The following SPEF2 variants were observed in gnomAD, a reference collection of about 807,000 sequenced individuals.
SPEF2 encodes the protein sperm flagellar and cilia associated 2, also known as sperm flagella and cilia-associated protein 2.
Under a neutral mutation model 224.6 loss-of-function variants are expected in SPEF2, and 187 were observed. The ratio of observed to expected loss-of-function variants is 0.83; its 90% CI spans 0.74 to 0.94. The LOEUF is 0.94. SPEF2 is among the 40% of genes least tolerant of loss of function. SPEF2 has a pLI of 0.00. For missense variants in SPEF2, 2,170 were observed against 2,135.6 expected (o/e 1.02, Z -0.32); for synonymous variants, 715 against 707.3 (o/e 1.01, Z -0.17).
intron 11 of SPEF2, 104 bp from the exon 12 acceptor site, chr5:35,692,466 G>A: frequency 1.3e-6 from 1 of 796,658 alleles, no homozygotes. Context: ...GACTGTTCTA[G>A]CGGGCCTGAA....
intron 28 of SPEF2, among the ~76,000 whole-genome samples, chr5:35,775,602 T>G (rs1753504689): frequency 6.6e-6 from 1 of 152,042 alleles, no homozygotes; most frequent in African/African-American, 2.4e-5. Context: ...TTATGAGCAG[T>G]AAAGTGATTA....
chr5:35,692,769 G>T (rs1247336080), intron 12 of SPEF2, 45 bp downstream of exon 12: 1 of 1,570,044 alleles, frequency 6.4e-7, no homozygotes, highest in Non-Finnish European at 8.6e-7. Flanking sequence ...GTACATTAGA[G>T]ATTTGGAGCT....
chr5:35,692,751 T>C (rs1754709506), intron 12 of SPEF2, 27 bp downstream of exon 12: 1 of 1,605,302 alleles, frequency 6.2e-7, no homozygotes, highest in South Asian at 1.1e-5. Context: ...TTTTCTCTTC[T>C]GCGCCTAGTA....
At chr5:35,810,869 T>A (rs930050579) in intron 36 of SPEF2, among the ~76,000 whole-genome samples, 2 of 152,182 alleles carry the variant, frequency 1.3e-5, no homozygotes, top group Non-Finnish European at 2.9e-5. Flanking sequence ...AAGATATACC[T>A]GAGTCATCTA....
At chr5:35,795,251 C>CG (rs1756501052) in intron 32 of SPEF2, among the ~76,000 whole-genome samples, 2 of 151,790 alleles carry the variant, frequency 1.3e-5, no homozygotes, top group East Asian at 3.9e-4. Flanking sequence ...CAATGTACAC[C>CG]AGCACCATGC....
chr5:35,777,884 T>C (rs1185821814), intron 29 of SPEF2, among the ~76,000 whole-genome samples: 1 of 152,096 alleles, frequency 6.6e-6, no homozygotes, highest in East Asian at 1.9e-4. Context: ...CAGAGTATCG[T>C]GCCGGGCTAT....
intron 1 of SPEF2, among the ~76,000 whole-genome samples, chr5:35,625,928 C>T (rs547666283): frequency 3.2e-4 from 48 of 152,194 alleles, no homozygotes; most frequent in South Asian, 6.2e-4. Flanking sequence ...GGTATGAAGC[C>T]GGAAGACACT....
intron 20 of SPEF2, among the ~76,000 whole-genome samples, chr5:35,720,661 A>G (rs1580441685): frequency 6.6e-6 from 1 of 152,226 alleles, no homozygotes; most frequent in Admixed American, 6.5e-5. Flanking sequence ...TATGATTGAT[A>G]GCATATACTT....
At chr5:35,647,106 G>A (rs1233812178) in intron 5 of SPEF2, among the ~76,000 whole-genome samples, 1 of 152,230 alleles carries the variant, frequency 6.6e-6, no homozygotes, top group African/African-American at 2.4e-5. Flanking sequence ...GTCAGAATGG[G>A]TGCTGTTGTA....
intron 36 of SPEF2, among the ~76,000 whole-genome samples, chr5:35,808,835 A>G (rs969129343): frequency 6.7e-6 from 1 of 148,336 alleles, no homozygotes; most frequent in Non-Finnish European, 1.5e-5. Context: ...TGTATGTAAC[A>G]TATACATATA....
intron 32 of SPEF2, among the ~76,000 whole-genome samples, chr5:35,793,727 A>AACACACAC (rs374573342): frequency 5.6e-4 from 57 of 100,886 alleles, no homozygotes; most frequent in African/African-American, 1.3e-3. Context: ...CAGTGGTTAA[A>AACACACAC]ACACACACAC....
intron 26 of SPEF2, among the ~76,000 whole-genome samples, chr5:35,768,891 A>G (rs1204070940): frequency 6.6e-6 from 1 of 152,162 alleles, no homozygotes; most frequent in East Asian, 1.9e-4. Flanking sequence ...TTTTTTCTAC[A>G]CAGCAGTTTT....
chr5:35,781,634 T>A (rs182967806), intron 30 of SPEF2: 1 of 152,192 alleles, frequency 6.6e-6, no homozygotes, highest in Admixed American at 6.5e-5. Flanking sequence ...ATAACAGTTG[T>A]AATTACCACA....
chr5:35,640,013 G>A (rs1746379805), intron 2 of SPEF2, among the ~76,000 whole-genome samples: 1 of 152,108 alleles, frequency 6.6e-6, no homozygotes, highest in Non-Finnish European at 1.5e-5. Context: ...CCAAAGAGAA[G>A]TATTGTTAGA....
At chr5:35,742,936 C>T (rs896947355) in intron 23 of SPEF2, among the ~76,000 whole-genome samples, 1 of 151,656 alleles carries the variant, frequency 6.6e-6, no homozygotes, top group African/African-American at 2.4e-5. Context: ...AAATGTAACA[C>T]AATTTTAAAT....
chr5:35,663,531 C>A (rs10472261), intron 8 of SPEF2, among the ~76,000 whole-genome samples: 19,981 of 152,064 alleles, frequency 0.13, 2,094 homozygotes, highest in African/African-American at 0.29. Flanking sequence ...TTCTTCCATA[C>A]CCAAAATATC....
At chr5:35,779,375 C>T in intron 30 of SPEF2, 29 bp downstream of exon 30, 1 of 1,537,002 alleles carries the variant, frequency 6.5e-7, no homozygotes, top group Non-Finnish European at 8.8e-7. Flanking sequence ...ATGAAAAGAG[C>T]ACAAAAAAAG....
chr5:35,741,405 G>T (rs190156113), intron 23 of SPEF2, among the ~76,000 whole-genome samples: 1 of 152,210 alleles, frequency 6.6e-6, no homozygotes, highest in Non-Finnish European at 1.5e-5. Flanking sequence ...TGGCACTGAA[G>T]GGGGAGGACA....
chr5:35,768,323 G>T (rs73747962), intron 26 of SPEF2, among the ~76,000 whole-genome samples: 2,869 of 152,112 alleles, frequency 0.019, 96 homozygotes, highest in African/African-American at 0.066. Flanking sequence ...AGAAAAAAAT[G>T]AGTTATTCTT....
Sources: gnomAD v4.1 joint callset for allele counts (sites outside exome capture counted in the v4.1 genomes callset) on GRCh38, gnomAD v4.1.1 for gene constraint, MANE v1.5 for transcripts, NCBI Gene and HGNC (gene_info 2026-07-23, HGNC 2026-07-21) for gene names.